Variants in TENM2 observed in about 807,000 individuals in gnomAD.
The protein encoded by TENM2 is teneurin-2.
A neutral mutation model predicts 245.2 loss-of-function variants in TENM2; 52 were observed. The ratio of observed to expected loss-of-function variants is 0.21; its 90% CI spans 0.17 to 0.27. TENM2 has a LOEUF of 0.27. Ranked by LOEUF, TENM2 falls within the 10% of genes least tolerant of loss-of-function variation. The pLI is 1.00. For missense variants in TENM2, 3,046 were observed against 3,666.8 expected, an observed-to-expected ratio of 0.83 and a Z score of 4.37; for synonymous variants, 1,363 against 1,438.9, an observed-to-expected ratio of 0.95 and a Z score of 1.19.
At chr5:167,636,496 C>T (rs1779219311) in intron 2 of TENM2, among the ~76,000 whole-genome samples, 1 of 152,160 alleles carries the variant, frequency 6.6e-6, no homozygotes, top group Admixed American at 6.5e-5. Flanking sequence ...TAGATTTAAT[C>T]CATGCTTAAT....
chr5:168,096,144 AG>A (rs1290493145), intron 8 of TENM2, among the ~76,000 whole-genome samples: 1 of 152,208 alleles, frequency 6.6e-6, no homozygotes, highest in Non-Finnish European at 1.5e-5. Flanking sequence ...CTGTCTCCCA[AG>A]GCTGTTCCCA....
At chr5:168,013,437 C>T (rs1785415543) in intron 5 of TENM2, among the ~76,000 whole-genome samples, 1 of 152,078 alleles carries the variant, frequency 6.6e-6, no homozygotes, top group Non-Finnish European at 1.5e-5. Flanking sequence ...AACCCCATCT[C>T]TACTAAATAT....
chr5:168,170,374 C>T (rs1395928578), intron 13 of TENM2, among the ~76,000 whole-genome samples: 3 of 152,074 alleles, frequency 2.0e-5, no homozygotes, highest in African/African-American at 2.4e-5. Flanking sequence ...CATAGTGGCT[C>T]ACACCTGTAG....
chr5:167,569,793 A>C (rs1204344532), intron 2 of TENM2, among the ~76,000 whole-genome samples: 1 of 152,184 alleles, frequency 6.6e-6, no homozygotes, highest in Non-Finnish European at 1.5e-5. Context: ...AGTTCTCACA[A>C]TATTTTACAG....
intron 2 of TENM2, among the ~76,000 whole-genome samples, chr5:167,513,970 GTCT>G (rs1230109163): frequency 6.6e-6 from 1 of 152,128 alleles, no homozygotes; most frequent in Non-Finnish European, 1.5e-5. Context: ...CTCCTCTTTA[GTCT>G]TCTTTTCTCT....
intron 5 of TENM2, chr5:168,033,060 A>G (rs1787277334): frequency 6.6e-6 from 1 of 152,224 alleles, no homozygotes; most frequent in African/African-American, 2.4e-5. Flanking sequence ...TTTTTAAAAA[A>G]TAGATTGCTA....
chr5:167,454,012 C>T (rs1259251626), intron 2 of TENM2, among the ~76,000 whole-genome samples: 2 of 152,062 alleles, frequency 1.3e-5, no homozygotes, highest in Non-Finnish European at 2.9e-5. Context: ...CGCATGTCCC[C>T]CAGATTATAG....
intron 2 of TENM2, among the ~76,000 whole-genome samples, chr5:167,736,040 T>C (rs1443491413): frequency 6.6e-6 from 1 of 152,048 alleles, no homozygotes; most frequent in Non-Finnish European, 1.5e-5. Context: ...TAAGACTGAG[T>C]AATTTATAAA....
At chr5:167,992,504 T>A (rs577229919) in intron 4 of TENM2, among the ~76,000 whole-genome samples, 1 of 152,206 alleles carries the variant, frequency 6.6e-6, no homozygotes, top group South Asian at 2.1e-4. Flanking sequence ...TATCTTTACC[T>A]GGGTGACAAA....
At chr5:168,007,392 G>A (rs35637685) in intron 5 of TENM2, among the ~76,000 whole-genome samples, 12,881 of 152,232 alleles carry the variant, frequency 0.085, 1,113 homozygotes, top group East Asian at 0.45. Context: ...GCCTCCTAAA[G>A]TGCTGGGATT....
intron 2 of TENM2, among the ~76,000 whole-genome samples, chr5:167,746,539 G>T (rs1479526178): frequency 6.6e-6 from 1 of 152,228 alleles, no homozygotes; most frequent in East Asian, 1.9e-4. Context: ...TCTGAATTAC[G>T]TGGAACCAAC....
At chr5:167,358,416 A>G (rs1759482057) in intron 1 of TENM2, among the ~76,000 whole-genome samples, 1 of 150,806 alleles carries the variant, frequency 6.6e-6, no homozygotes, top group East Asian at 2.0e-4. Flanking sequence ...TTTAGATTCC[A>G]TTCTACCATA....
At chr5:167,083,790 G>A in the TENM2 span, among the ~76,000 whole-genome samples, 1 of 152,186 alleles carries the variant, frequency 6.6e-6, no homozygotes, top group Non-Finnish European at 1.5e-5. Flanking sequence ...TGGATTGCCA[G>A]CTGTGGGCCA....
intron 2 of TENM2, among the ~76,000 whole-genome samples, chr5:167,657,397 T>G (rs1248577873): frequency 6.6e-6 from 1 of 152,230 alleles, no homozygotes; most frequent in Admixed American, 6.5e-5. Flanking sequence ...TGGACACCTA[T>G]GTTGATTCCC....
intron 5 of TENM2, among the ~76,000 whole-genome samples, chr5:168,008,980 G>T (rs2152069492): frequency 6.6e-6 from 1 of 152,258 alleles, no homozygotes; most frequent in Middle Eastern, 3.4e-3. Flanking sequence ...CATTCACTTT[G>T]GATTTTGTAT....
At chr5:167,138,304 C>A in the TENM2 span, among the ~76,000 whole-genome samples, 1 of 152,136 alleles carries the variant, frequency 6.6e-6, no homozygotes, top group South Asian at 2.1e-4. Context: ...ATAAGAAGAT[C>A]ATGAATATGT....
chr5:167,104,461 A>G, the TENM2 span, among the ~76,000 whole-genome samples: 1 of 152,238 alleles, frequency 6.6e-6, no homozygotes, highest in African/African-American at 2.4e-5. Flanking sequence ...GAGGGCAAAT[A>G]TGGAAAGGAC....
intron 2 of TENM2, among the ~76,000 whole-genome samples, chr5:167,747,554 G>A (rs992063286): frequency 2.0e-5 from 3 of 152,162 alleles, no homozygotes; most frequent in African/African-American, 7.2e-5. Context: ...CAGCTCAAAT[G>A]TGAATACTTT....
rs1052944124 is a variant in TENM2 at position 167,536,623 on chromosome 5, T to C, written c.502+161150T>C. On this transcript the variant is annotated intron_variant, in intron 2 of 28. Coordinates refer to ENST00000518659, the Ensembl canonical transcript of TENM2. ...GTTCAGAAATTTGGGATACCTATGA[T>C]TTTAGCATGGAGCCAGGCAACAAAC... Among the ~76,000 whole-genome samples the C allele has an allele frequency of 5.9e-5, 9 of 152,274 alleles. No individual in the cohort carries two copies. In the South Asian group the frequency reaches 1.9e-3, roughly 32 times the overall value.
Sources: gnomAD v4.1 joint callset for allele counts (sites outside exome capture counted in the v4.1 genomes callset) on GRCh38, gnomAD v4.1.1 for gene constraint, MANE v1.5 for transcripts, NCBI Gene and HGNC (gene_info 2026-07-23, HGNC 2026-07-21) for gene names.